The following TFDP2 variants were observed in gnomAD, a reference collection of about 807,000 sequenced individuals.
TFDP2 encodes transcription factor Dp-2 (E2F dimerization partner 2).
A neutral mutation model predicts 59.3 loss-of-function variants in TFDP2; 17 were observed. The ratio of observed to expected loss-of-function variants is 0.29; its 90% confidence interval spans 0.20 to 0.43. The LOEUF is 0.43. Ranked by LOEUF, TFDP2 falls within the 20% of genes least tolerant of loss-of-function variation. The pLI is 1.00. For synonymous variants in TFDP2, 180 were observed against 194.7 expected, an observed-to-expected ratio of 0.92 and a Z score of 0.63; for missense variants, 391 against 528.8, an observed-to-expected ratio of 0.74 and a Z score of 2.56.
intron 3 of TFDP2, among the ~76,000 whole-genome samples, chr3:142,022,114 TC>T (rs772489834): frequency 6.6e-6 from 1 of 152,324 alleles, no homozygotes; most frequent in Non-Finnish European, 1.5e-5. Flanking sequence ...CTGTATGTCC[TC>T]AAACAACTTG....
At chr3:141,962,092 G>A (rs1029698661) in intron 10 of TFDP2, among the ~76,000 whole-genome samples, 6 of 152,016 alleles carry the variant, frequency 3.9e-5, no homozygotes, top group Non-Finnish European at 8.8e-5. Context: ...GGGATTACAG[G>A]TGTGCATCAT....
intron 1 of TFDP2, among the ~76,000 whole-genome samples, chr3:142,111,835 G>C (rs2061676382): frequency 6.6e-6 from 1 of 152,178 alleles, no homozygotes; most frequent in African/African-American, 2.4e-5. Context: ...GGGGGCTGAG[G>C]CAGGAAGATC....
At chr3:142,092,925 A>C (rs997829582) in intron 3 of TFDP2, 136 bp downstream of exon 3, 1 of 581,668 alleles carries the variant, frequency 1.7e-6, no homozygotes, top group Non-Finnish European at 2.8e-6. Context: ...CATACAGCAC[A>C]AGTTATGTGG....
chr3:142,048,630 A>G (rs913474733), intron 3 of TFDP2, among the ~76,000 whole-genome samples: 1 of 152,122 alleles, frequency 6.6e-6, no homozygotes, highest in Non-Finnish European at 1.5e-5. Flanking sequence ...CGGTGGTACA[A>G]TCACAGCTCA....
At chr3:141,985,769 A>C (rs546559653) in intron 6 of TFDP2, among the ~76,000 whole-genome samples, 1 of 152,300 alleles carries the variant, frequency 6.6e-6, no homozygotes, top group Admixed American at 6.5e-5. Flanking sequence ...TAAGTTAATT[A>C]AACATCAAAA....
intron 1 of TFDP2, among the ~76,000 whole-genome samples, chr3:142,132,162 T>A (rs942959896): frequency 4.0e-5 from 6 of 150,150 alleles, no homozygotes; most frequent in Non-Finnish European, 8.8e-5. Context: ...AAGGGATGAT[T>A]ATTGATATAC....
intron 4 of TFDP2, among the ~76,000 whole-genome samples, chr3:141,998,059 C>T (rs1455479403): frequency 6.6e-6 from 1 of 152,036 alleles, no homozygotes; most frequent in African/African-American, 2.4e-5. Context: ...TCTCTTAGCA[C>T]AGGGCCTGGT....
At chr3:142,092,644 A>G (rs1485437825) in intron 3 of TFDP2, among the ~76,000 whole-genome samples, 1 of 152,208 alleles carries the variant, frequency 6.6e-6, no homozygotes, top group Admixed American at 6.5e-5. Flanking sequence ...TGATATAAGC[A>G]TTCTTCCAGT....
chr3:142,044,515 T>C (rs1182039053), intron 3 of TFDP2, among the ~76,000 whole-genome samples: 1 of 152,020 alleles, frequency 6.6e-6, no homozygotes, highest in African/African-American at 2.4e-5. Context: ...ATTACAGGTG[T>C]GAGCTGCCAC....
chr3:141,976,121 C>T (rs779488518), intron 7 of TFDP2, among the ~76,000 whole-genome samples: 8 of 152,218 alleles, frequency 5.3e-5, no homozygotes, highest in African/African-American at 9.6e-5. Flanking sequence ...CAGTGTGATC[C>T]GTCCACCTCG....
At chr3:142,062,692 A>G (rs1161171907) in intron 3 of TFDP2, among the ~76,000 whole-genome samples, 1 of 152,144 alleles carries the variant, frequency 6.6e-6, no homozygotes, top group Non-Finnish European at 1.5e-5. Context: ...GACATGGACT[A>G]AAATATTTAT....
chr3:142,146,670 T>C (rs963761531), intron 1 of TFDP2, among the ~76,000 whole-genome samples: 6 of 152,224 alleles, frequency 3.9e-5, no homozygotes, highest in South Asian at 2.1e-4. Context: ...TAGTCTTCTA[T>C]ACTAGTTAAT....
chr3:142,091,720 G>A (rs1185243995), intron 3 of TFDP2, among the ~76,000 whole-genome samples: 2 of 152,160 alleles, frequency 1.3e-5, no homozygotes, highest in African/African-American at 2.4e-5. Context: ...GGAGAGAGAT[G>A]GATGGTTTCA....
At chr3:142,116,191 G>C (rs886968536) in intron 1 of TFDP2, among the ~76,000 whole-genome samples, 3 of 151,880 alleles carry the variant, frequency 2.0e-5, no homozygotes, top group Non-Finnish European at 2.9e-5. Context: ...TAACTCCCAA[G>C]TAGCTGGGTA....
rs2061647852 is a variant in TFDP2, at chr3:142,111,247, G to T, written c.-92-9406C>A. ...AGTTCGAGACCAGCCTGGCCAACAT[G>T]GTGAAACCCCGTCTCTACTAAAAAT... On this transcript the variant is annotated intron_variant, in intron 1 of 12. Transcript: ENST00000489671. 2.6e-5 allele frequency among the ~76,000 whole-genome samples: 4 copies of T among 151,846 alleles called. No homozygotes were observed. The South Asian group carries it at 6.2e-4, about 24-fold the overall frequency.
At chr3:142,088,557 T>C (rs943308897) in intron 3 of TFDP2, among the ~76,000 whole-genome samples, 1 of 151,732 alleles carries the variant, frequency 6.6e-6, no homozygotes. Flanking sequence ...GGGCTCGAAC[T>C]TCCCAAAGTG....
chr3:141,997,562 A>T (rs563597780), intron 4 of TFDP2, among the ~76,000 whole-genome samples: 3 of 152,208 alleles, frequency 2.0e-5, no homozygotes, highest in African/African-American at 7.2e-5. Context: ...GTAGAAAAAA[A>T]AAAGGAGCTG....
At chr3:142,064,037 T>A (rs891630472) in intron 3 of TFDP2, among the ~76,000 whole-genome samples, 5 of 152,104 alleles carry the variant, frequency 3.3e-5, no homozygotes, top group Admixed American at 6.6e-5. Flanking sequence ...CACTGCAACC[T>A]TTGCCTCCTG....
intron 3 of TFDP2, among the ~76,000 whole-genome samples, chr3:142,074,408 C>CA (rs1307805728): frequency 1.0e-4 from 15 of 144,332 alleles, no homozygotes; most frequent in South Asian, 2.2e-4. Context: ...GATTCTATCT[C>CA]AAAAAAAAAG....
Sources: gnomAD v4.1 joint callset for allele counts (sites outside exome capture counted in the v4.1 genomes callset) on GRCh38, gnomAD v4.1.1 for gene constraint, MANE v1.5 for transcripts, NCBI Gene and HGNC (gene_info 2026-07-23, HGNC 2026-07-21) for gene names.